The following SYTL3 variants were observed in gnomAD, a reference collection of about 807,000 sequenced individuals.
The protein encoded by SYTL3 is synaptotagmin like 3, also known as synaptotagmin-like protein 3.
In SYTL3, 88 loss-of-function variants were observed where a neutral mutation model predicts 82.1. The observed-to-expected ratio is 1.07, with a 90% CI of 0.90 to 1.28. The LOEUF (loss-of-function observed/expected upper bound fraction) is 1.28, where lower values mean the gene tolerates loss of function less well. Ranked by LOEUF, SYTL3 falls within the 50% of genes most tolerant of loss-of-function variation. The probability of loss-of-function intolerance (pLI) is 0.00; values close to 1 mark genes in which losing one functional copy is unlikely to be tolerated. For synonymous variants in SYTL3, 311 were observed against 289.4 expected (o/e 1.07, Z -0.76); for missense variants, 831 against 757.6 (o/e 1.10, Z -1.14).
intron 6 of SYTL3, among the ~76,000 whole-genome samples, chr6:158,704,398 C>T (rs1481804883): frequency 2.6e-5 from 4 of 152,248 alleles, no homozygotes; most frequent in Non-Finnish European, 5.9e-5. Flanking sequence ...GCCACGCGCA[C>T]GCCCGGTCCG....
chr6:158,723,670 A>G (rs945026389), intron 10 of SYTL3, among the ~76,000 whole-genome samples: 1 of 152,204 alleles, frequency 6.6e-6, no homozygotes, highest in African/African-American at 2.4e-5. Flanking sequence ...ACTCAACTTT[A>G]TAATTTTTAA....
chr6:158,748,987 G>A (rs896030454), intron 12 of SYTL3, among the ~76,000 whole-genome samples: 2 of 151,682 alleles, frequency 1.3e-5, no homozygotes, highest in East Asian at 1.9e-4. Context: ...TTGGGAAGCC[G>A]AGAAGGGTGG....
chr6:158,675,108 A>G (rs901422710), intron 5 of SYTL3, among the ~76,000 whole-genome samples: 1 of 152,180 alleles, frequency 6.6e-6, no homozygotes, highest in Non-Finnish European at 1.5e-5. Context: ...TTCAGTGCAC[A>G]CTGCTACAAG....
At chr6:158,661,639 A>G (rs965849913) in intron 3 of SYTL3, among the ~76,000 whole-genome samples, 1 of 152,248 alleles carries the variant, frequency 6.6e-6, no homozygotes, top group African/African-American at 2.4e-5. Context: ...AGGCCCATGA[A>G]CTTGGAGAAA....
Position 158,752,322 on chromosome 6 carries a change from C to T in SYTL3, c.1137+292C>T, listed in dbSNP as rs111773718. Among the ~76,000 whole-genome samples, 292 of 152,208 alleles carry T rather than the reference C, an allele frequency of 1.9e-3. 1 individual carries two copies. Among genetic ancestry groups the T allele is most frequent in the African/African-American group, 5.8e-3 (239 of 41,514 alleles). ...CTGCCTCTTTGTCTCGGGCTAACACCGGGGCACAGGATAATTTTAAACATT... is the reference window on the plus strand; with the variant it reads ...CTGCCTCTTTGTCTCGGGCTAACACTGGGGCACAGGATAATTTTAAACATT... On this transcript the variant is annotated intron_variant, in intron 13 of 17. Coordinates refer to ENST00000611299, the MANE Select transcript of SYTL3 (RefSeq NM_001242394.2).
chr6:158,661,888 A>G (rs1343183267), intron 3 of SYTL3, among the ~76,000 whole-genome samples: 1 of 152,250 alleles, frequency 6.6e-6, no homozygotes, highest in Non-Finnish European at 1.5e-5. Flanking sequence ...TATTTCATGC[A>G]TCAAGGAACA....
intron 11 of SYTL3, among the ~76,000 whole-genome samples, chr6:158,732,954 G>GA (rs35643386): frequency 0.39 from 51,903 of 134,298 alleles, 10,077 homozygotes; most frequent in South Asian, 0.51. Context: ...AGTTTAAAAA[G>GA]AAAAAAAAAA....
chr6:158,692,893 G>A (rs1583255959), intron 6 of SYTL3, among the ~76,000 whole-genome samples: 1 of 152,092 alleles, frequency 6.6e-6, no homozygotes, highest in East Asian at 1.9e-4. Context: ...GGAGGTTGCA[G>A]TAAGCCGAGA....
chr6:158,749,423 TATATA>T (rs1788099148), intron 12 of SYTL3, among the ~76,000 whole-genome samples: 1 of 121,444 alleles, frequency 8.2e-6, no homozygotes, highest in East Asian at 2.3e-4. Context: ...AAGAAAAAAA[TATATA>T]ATAAGGGGAT....
chr6:158,706,634 CTG>C (rs576052032), intron 6 of SYTL3, among the ~76,000 whole-genome samples: 252 of 152,278 alleles, frequency 1.7e-3, no homozygotes, highest in African/African-American at 4.8e-3. Flanking sequence ...CCAGGGAACA[CTG>C]TGTTCACAGA....
At chr6:158,681,903 G>A (rs1358434121) in intron 5 of SYTL3, among the ~76,000 whole-genome samples, 1 of 152,120 alleles carries the variant, frequency 6.6e-6, no homozygotes, top group Non-Finnish European at 1.5e-5. Context: ...CATCACTTGT[G>A]CCAAGAGCGT....
At chr6:158,698,312 G>T (rs966280736) in intron 6 of SYTL3, among the ~76,000 whole-genome samples, 2 of 149,486 alleles carry the variant, frequency 1.3e-5, no homozygotes, top group African/African-American at 5.0e-5. Context: ...CAGGAGAATC[G>T]CTTGAACACA....
chr6:158,697,447 A>G (rs778080629), intron 6 of SYTL3, among the ~76,000 whole-genome samples: 1 of 149,820 alleles, frequency 6.7e-6, no homozygotes, highest in Non-Finnish European at 1.5e-5. Context: ...AAATCAGTCA[A>G]TCAATCAGGG....
intron 5 of SYTL3, among the ~76,000 whole-genome samples, chr6:158,674,095 A>AATAATAATAAT (rs1554244696): frequency 2.5e-4 from 35 of 137,468 alleles, no homozygotes; most frequent in East Asian, 1.1e-3. Flanking sequence ...AAATAATAAT[A>AATAATAATAAT]ATAATAATAA....
At chr6:158,706,115 A>G (rs371308973) in intron 6 of SYTL3, among the ~76,000 whole-genome samples, 1 of 152,110 alleles carries the variant, frequency 6.6e-6, no homozygotes, top group Non-Finnish European at 1.5e-5. Flanking sequence ...GTATTTCTTA[A>G]TGGGGAGGGG....
At chr6:158,734,774 A>G (rs1785920479) in intron 11 of SYTL3, among the ~76,000 whole-genome samples, 2 of 152,210 alleles carry the variant, frequency 1.3e-5, no homozygotes, top group South Asian at 2.1e-4. Flanking sequence ...GCTGTATCCA[A>G]CACTTAAATG....
upstream of SYTL3, among the ~76,000 whole-genome samples, chr6:158,647,244 G>T (rs1185836878): frequency 6.6e-6 from 1 of 152,190 alleles, no homozygotes; most frequent in Non-Finnish European, 1.5e-5. Context: ...ATGCTTACAT[G>T]ATTTTAGCTT....
At chr6:158,762,271 C>T in intron 16 of SYTL3, 93 bp downstream of exon 16, 3 of 863,544 alleles carry the variant, frequency 3.5e-6, no homozygotes, top group East Asian at 5.2e-5. Flanking sequence ...AAACGTAAGC[C>T]ACTTAAAACG....
chr6:158,701,481 G>C lies in SYTL3; in HGVS notation c.395-5749G>C, dbSNP rs547975005. Among the ~76,000 whole-genome samples the C allele has an allele frequency of 5.6e-4, 39 of 69,690 alleles. No homozygotes were observed. The East Asian group carries it at 9.5e-3, about 17-fold the overall frequency. The allele number at this position is 69,690 out of a possible 152,430, so 45.7% of individuals were successfully genotyped here. ...TGGGGTGTACATGAAGGACTGTCTG[G>C]GGGGAGGAGCCATGGGGAGAGGGTC... On this transcript the variant is annotated intron_variant, in intron 6 of 17. Coordinates refer to ENST00000611299, the MANE Select transcript of SYTL3 (RefSeq NM_001242394.2).
Sources: allele counts gnomAD v4.1 joint callset (sites outside exome capture counted in the v4.1 genomes callset), GRCh38; gene constraint gnomAD v4.1.1; transcripts MANE v1.5; gene names NCBI Gene and HGNC (gene_info 2026-07-23, HGNC 2026-07-21).